Variants in IMMP2L observed in about 807,000 individuals in gnomAD.
IMMP2L encodes the protein mitochondrial inner membrane protease subunit 2.
A neutral mutation model predicts 19.3 loss-of-function variants in IMMP2L; 18 were observed. That is an observed-to-expected ratio of 0.93 (90% CI 0.64 to 1.38). The LOEUF (loss-of-function observed/expected upper bound fraction) is 1.38. IMMP2L is among the 40% of genes most tolerant of loss of function. The pLI is 0.00. For missense variants in IMMP2L, 233 were observed against 218.2 expected (o/e 1.07, Z -0.43); for synonymous variants, 76 against 73.0 (o/e 1.04, Z -0.21).
intron 2 of IMMP2L, among the ~76,000 whole-genome samples, chr7:111,516,632 G>A (rs1304921602): frequency 2.6e-5 from 4 of 152,068 alleles, no homozygotes; most frequent in Middle Eastern, 3.4e-3. Context: ...TCCACAAAGG[G>A]ACATTACAAA....
intron 3 of IMMP2L, among the ~76,000 whole-genome samples, chr7:111,306,441 T>G (rs899853985): frequency 1.3e-5 from 2 of 152,148 alleles, no homozygotes; most frequent in Non-Finnish European, 2.9e-5. Flanking sequence ...GTATGTTCCG[T>G]TCAATTTCTC....
intron 3 of IMMP2L, among the ~76,000 whole-genome samples, chr7:111,093,919 T>C (rs1797132439): frequency 6.6e-6 from 1 of 152,156 alleles, no homozygotes; most frequent in Non-Finnish European, 1.5e-5. Context: ...GTTAGAATGC[T>C]GATGAGTAGG....
chr7:110,793,675 T>C (rs1031685327), intron 5 of IMMP2L, among the ~76,000 whole-genome samples: 2 of 152,058 alleles, frequency 1.3e-5, no homozygotes, highest in African/African-American at 4.8e-5. Context: ...TATAGCATGA[T>C]ACAGTTAATA....
At chr7:111,469,666 GC>G (rs1841029096) in intron 3 of IMMP2L, among the ~76,000 whole-genome samples, 7 of 152,088 alleles carry the variant, frequency 4.6e-5, no homozygotes. Context: ...AAACTGGCTA[GC>G]CATATGTACA....
chr7:110,787,773 T>C (rs772393187), intron 5 of IMMP2L, among the ~76,000 whole-genome samples: 42 of 152,034 alleles, frequency 2.8e-4, no homozygotes, highest in Admixed American at 1.5e-3. Flanking sequence ...GTGAACAAGA[T>C]GGCAAAATCC....
intron 3 of IMMP2L, among the ~76,000 whole-genome samples, chr7:111,030,081 T>C (rs967268227): frequency 6.6e-6 from 1 of 152,130 alleles, no homozygotes; most frequent in African/African-American, 2.4e-5. Context: ...TCCAGCTCAT[T>C]ACCACAAAAG....
intron 5 of IMMP2L, among the ~76,000 whole-genome samples, chr7:110,677,312 T>A (rs1792380982): frequency 6.6e-6 from 1 of 152,166 alleles, no homozygotes; most frequent in African/African-American, 2.4e-5. Context: ...CTGTTAAAAA[T>A]TATCAAAAAG....
At chr7:110,974,905 A>T (rs1349845288) in intron 3 of IMMP2L, among the ~76,000 whole-genome samples, 2 of 152,128 alleles carry the variant, frequency 1.3e-5, no homozygotes, top group African/African-American at 4.8e-5. Flanking sequence ...TAGGAGAAAA[A>T]TTTTGTAAAC....
chr7:111,459,020 T>C (rs2131987665), intron 3 of IMMP2L, among the ~76,000 whole-genome samples: 1 of 152,270 alleles, frequency 6.6e-6, no homozygotes, highest in East Asian at 1.9e-4. Flanking sequence ...ATGAACTATG[T>C]TATCTGCTTT....
intron 3 of IMMP2L, among the ~76,000 whole-genome samples, chr7:111,129,748 T>C (rs980676573): frequency 3.3e-5 from 5 of 152,106 alleles, no homozygotes; most frequent in Admixed American, 2.6e-4. Context: ...AGTAAGGACT[T>C]GAGTGTTAAG....
chr7:110,748,563 G>A (rs750957195), intron 5 of IMMP2L, among the ~76,000 whole-genome samples: 7 of 152,048 alleles, frequency 4.6e-5, no homozygotes, highest in African/African-American at 7.2e-5. Flanking sequence ...ATAGACCAAC[G>A]GAACAGAAGA....
At chr7:111,212,634 G>A (rs1055154082) in intron 3 of IMMP2L, among the ~76,000 whole-genome samples, 1 of 152,064 alleles carries the variant, frequency 6.6e-6, no homozygotes, top group Non-Finnish European at 1.5e-5. Context: ...AAAAGGGGGG[G>A]TGGCAAACAA....
intron 3 of IMMP2L, among the ~76,000 whole-genome samples, chr7:111,180,064 C>T (rs1261060481): frequency 6.6e-6 from 1 of 151,972 alleles, no homozygotes; most frequent in Non-Finnish European, 1.5e-5. Flanking sequence ...CCCAAACTTT[C>T]TCCATATCAG....
At chr7:110,898,204 C>T (rs1811512133) in intron 4 of IMMP2L, among the ~76,000 whole-genome samples, 1 of 151,570 alleles carries the variant, frequency 6.6e-6, no homozygotes, top group South Asian at 2.1e-4. Context: ...ATAATTGTGT[C>T]ATAGCAGTGA....
intron 5 of IMMP2L, among the ~76,000 whole-genome samples, chr7:110,706,743 T>C (rs1395960347): frequency 6.6e-6 from 1 of 152,158 alleles, no homozygotes; most frequent in Non-Finnish European, 1.5e-5. Context: ...TTCTGAATAT[T>C]AGATCTTTGT....
At chr7:111,556,014 G>GTATATATATATATA in intron 1 of IMMP2L, among the ~76,000 whole-genome samples, 1 of 114,602 alleles carries the variant, frequency 8.7e-6, no homozygotes, top group Non-Finnish European at 1.7e-5. Context: ...TCTTCTGTGT[G>GTATATATATATATA]CATGTATATA....
chr7:110,926,500 C>G (rs1293897485), intron 4 of IMMP2L, among the ~76,000 whole-genome samples: 2 of 152,064 alleles, frequency 1.3e-5, no homozygotes, highest in Non-Finnish European at 1.5e-5. Flanking sequence ...TTATTCTTGT[C>G]AAGAAATATA....
chr7:111,356,420 G>A (rs1179068025), intron 3 of IMMP2L, among the ~76,000 whole-genome samples: 1 of 152,046 alleles, frequency 6.6e-6, no homozygotes, highest in African/African-American at 2.4e-5. Context: ...GTGACTTTAA[G>A]TATAAGAAAG....
chr7:111,008,444 C>A (rs1304784297), intron 3 of IMMP2L, among the ~76,000 whole-genome samples: 1 of 151,994 alleles, frequency 6.6e-6, no homozygotes, highest in Non-Finnish European at 1.5e-5. Context: ...ACCTTCAAGT[C>A]TCTGGTCAAA....
Sources: gnomAD v4.1 joint callset for allele counts (sites outside exome capture counted in the v4.1 genomes callset) on GRCh38, gnomAD v4.1.1 for gene constraint, MANE v1.5 for transcripts, NCBI Gene and HGNC (gene_info 2026-07-23, HGNC 2026-07-21) for gene names.